HLTF: variants seen among roughly 807,000 people sequenced by gnomAD.
HLTF encodes DNA-dependent ATPase/E3 ubiquitin-protein ligase HLTF.
Under a neutral mutation model 129.4 loss-of-function variants are expected in HLTF, and 127 were observed. The observed-to-expected ratio is 0.98, with a 90% CI of 0.85 to 1.14. HLTF has a LOEUF of 1.14. HLTF is among the 50% of genes most tolerant of loss of function. The pLI is 0.00. For missense variants in HLTF, 1,139 were observed against 1,187.1 expected (o/e 0.96, Z 0.60); for synonymous variants, 332 against 388.8 (o/e 0.85, Z 1.72).
intron 14 of HLTF, among the ~76,000 whole-genome samples, chr3:149,050,644 T>C (rs1300253342): frequency 6.6e-6 from 1 of 152,194 alleles, no homozygotes; most frequent in Non-Finnish European, 1.5e-5. Flanking sequence ...TTGAAAACAA[T>C]AATGAGTTTT....
chr3:149,082,630 A>G (rs2108075543), intron 2 of HLTF, among the ~76,000 whole-genome samples: 1 of 152,350 alleles, frequency 6.6e-6, no homozygotes, highest in South Asian at 2.1e-4. Flanking sequence ...CTAGGATCAT[A>G]CATTTAAAAT....
intron 2 of HLTF, among the ~76,000 whole-genome samples, chr3:149,078,753 A>G (rs1576626524): frequency 6.6e-6 from 1 of 152,080 alleles, no homozygotes; most frequent in East Asian, 1.9e-4. Context: ...GTTACTCGGG[A>G]AGCTGACACA....
At position 149,041,582 on chromosome 3, in the gene HLTF, T is replaced by C. The variant is rs34622270; in HGVS notation, c.2284A>G (p.Ile762Val). ...LSSGSDEECA[I>V]CLDSLTVPVI... ...GGAACTGTTAAAGAATCCAGGCAAA[T>C]TGCACATTCCTCATCTGAACCTGAG... is the stretch of plus-strand genomic sequence containing the variant. Residue 762 changes from isoleucine (I) to valine (V), a missense_variant, in exon 20 of 25, where the codon ATT becomes GTT. By Grantham distance (29) the Ile-to-Val change is conservative. Transcript: ENST00000310053. The C allele has an allele frequency of 2.2e-3, 3,558 of 1,612,468 alleles. 67 individuals carry two copies. In the African/African-American group the frequency reaches 0.042, roughly 19 times the overall value.
rs779640825 is a variant in HLTF, at chr3:149,068,220, C to T, written c.990+20G>A. The T allele has an allele frequency of 3.0e-6, 3 of 1,006,728 alleles. No homozygotes were observed. Among genetic ancestry groups the T allele is most frequent in the Admixed American group, 2.3e-5 (1 of 42,898 alleles). The allele number at this position is 1,006,728 out of a possible 1,614,324, so 62.4% of individuals were successfully genotyped here. A position where few individuals can be genotyped will look rare whatever the true frequency, so the allele number is the denominator to read the frequency against. On this transcript the variant is annotated intron_variant, in intron 8 of 24. Coordinates refer to ENST00000310053, the MANE Select transcript of HLTF (RefSeq NM_003071.4). Reference sequence around the variant, plus strand: ...AATAAACTGGAGGTTTCACATAAAGCGCACTTACTACTACTTTACCTTCTT... The same window carrying T: ...AATAAACTGGAGGTTTCACATAAAGTGCACTTACTACTACTTTACCTTCTT...
rs1715940187 is a variant in HLTF at position 149,039,584 on chromosome 3, A to C, written c.2612T>G (p.Leu871Arg). The C allele has an allele frequency of 7.2e-7, 1 of 1,398,272 alleles. No individual in the cohort carries two copies. The highest frequency in any genetic ancestry group is 1.0e-6 in the Non-Finnish European group (1 of 997,558). The allele number at this position is 1,398,272 out of a possible 1,614,324, so 86.6% of individuals were successfully genotyped here. A position where few individuals can be genotyped will look rare whatever the true frequency, so the allele number is the denominator to read the frequency against. The stretch of plus-strand genomic sequence containing the variant: ...TGAAAAACACTGTGGAACTTACTTA[A>C]GTGGTATTTCTATTAAAGACAGGAA... ...TTFLSLIEIPLKASGFVFTRL... is the reference protein window; with the variant it reads ...TTFLSLIEIPRKASGFVFTRL... Residue 871 changes from leucine to arginine, a missense_variant, in exon 22 of 25, where the codon CTT becomes CGT. Transcript: ENST00000310053.
chr3:149,044,215 G>C (rs7611003), intron 18 of HLTF, among the ~76,000 whole-genome samples: 99 of 152,218 alleles, frequency 6.5e-4, no homozygotes, highest in Middle Eastern at 3.4e-3. Context: ...TAAGATCAAT[G>C]TATAACACCT....
intron 13 of HLTF, among the ~76,000 whole-genome samples, chr3:149,057,408 AGAGT>A (rs1372866391): frequency 3.9e-5 from 6 of 151,994 alleles, no homozygotes; most frequent in African/African-American, 7.2e-5. Context: ...CCTGGGCGAC[AGAGT>A]GAGACTCCGT....
chr3:149,074,836 T>A (rs1392377858), intron 3 of HLTF, among the ~76,000 whole-genome samples: 1 of 152,198 alleles, frequency 6.6e-6, no homozygotes, highest in Non-Finnish European at 1.5e-5. Flanking sequence ...TAGGATTATA[T>A]GAATATCCTA....
At chr3:149,074,442 AT>A in intron 3 of HLTF, 94 bp from the exon 4 acceptor site, 1 of 1,215,678 alleles carries the variant, frequency 8.2e-7, no homozygotes, top group Non-Finnish European at 1.1e-6. Context: ...TATCATTTAC[AT>A]TTTACATTGA....
chr3:149,047,790 A>G (rs929015380), intron 17 of HLTF, among the ~76,000 whole-genome samples: 3 of 152,194 alleles, frequency 2.0e-5, no homozygotes, highest in Admixed American at 6.5e-5. Context: ...CACAAAAAAC[A>G]GTTATGTCTT....
At chr3:149,033,055 G>C (rs1474102761) in intron 24 of HLTF, among the ~76,000 whole-genome samples, 1 of 151,380 alleles carries the variant, frequency 6.6e-6, no homozygotes, top group African/African-American at 2.4e-5. Context: ...AATAAAACGT[G>C]ATCATCTCAT....
chr3:149,074,135 AAC>A (rs1434720607), intron 4 of HLTF, 78 bp downstream of exon 4: 32 of 1,381,786 alleles, frequency 2.3e-5, no homozygotes, highest in Non-Finnish European at 3.0e-5. Flanking sequence ...TTAGCCAACA[AAC>A]TCCAAGAGAG....
chr3:149,055,808 A>C (rs2108004531), intron 13 of HLTF, among the ~76,000 whole-genome samples: 1 of 152,304 alleles, frequency 6.6e-6, no homozygotes, highest in African/African-American at 2.4e-5. Context: ...CTCCACCAGG[A>C]CTGGTCTGTG....
At chr3:149,076,100 T>A in intron 2 of HLTF, 53 bp from the exon 3 acceptor site, 1 of 662,436 alleles carries the variant, frequency 1.5e-6, no homozygotes, top group South Asian at 2.7e-5. Context: ...AGACAATAAC[T>A]TTGTTATACT....
At chr3:149,059,854 G>A (rs1293636321) in intron 12 of HLTF, 47 bp from the exon 13 acceptor site, 2 of 1,161,372 alleles carry the variant, frequency 1.7e-6, no homozygotes, top group Non-Finnish European at 2.6e-6. Context: ...ATTATCTCCT[G>A]TGCTAGAGTA....
At chr3:149,050,487 T>C (rs1716892635) in intron 14 of HLTF, 112 bp from the exon 15 acceptor site, 1 of 595,758 alleles carries the variant, frequency 1.7e-6, no homozygotes, top group Non-Finnish European at 2.8e-6. Flanking sequence ...ACTACTAAAA[T>C]TGTATGAAAT....
intron 4 of HLTF, among the ~76,000 whole-genome samples, 169 bp downstream of exon 4, chr3:149,074,046 T>A (rs984052242): frequency 6.6e-6 from 1 of 152,112 alleles, no homozygotes; most frequent in Non-Finnish European, 1.5e-5. Flanking sequence ...TCTATTTCAA[T>A]AGAGGCAAAA....
chr3:149,072,639 C>G (rs1718975618), intron 5 of HLTF, among the ~76,000 whole-genome samples: 1 of 152,106 alleles, frequency 6.6e-6, no homozygotes. Flanking sequence ...GGCTTATCTA[C>G]CAGAAACAAG....
chr3:149,032,342 T>C lies in HLTF; in HGVS notation c.2908A>G (p.Met970Val), dbSNP rs974226480. 1 of 1,583,014 alleles carries C rather than the reference T, an allele frequency of 6.3e-7. No individual in the cohort carries two copies. Among genetic ancestry groups the C allele is most frequent in the African/African-American group, 1.4e-5 (1 of 73,178 alleles). The change falls in exon 25 of 25, where the codon ATG becomes GTG. Residue 970 changes from methionine to valine, a missense_variant. Met to Val is a conservative substitution (Grantham distance 21). Coordinates refer to ENST00000310053, the MANE Select transcript of HLTF (RefSeq NM_003071.4). ...FIVKDSVEEN[M>V]LKIQNKKREL... ...CTCTTTTTGTTTTGTATTTTCAGCATATTTTCTTCAACAGAGTCCTTTACA... is the reference window on the plus strand; with the variant it reads ...CTCTTTTTGTTTTGTATTTTCAGCACATTTTCTTCAACAGAGTCCTTTACA...
Sources: allele counts gnomAD v4.1 joint callset (sites outside exome capture counted in the v4.1 genomes callset), GRCh38; gene constraint gnomAD v4.1.1; transcripts MANE v1.5; gene names NCBI Gene and HGNC (gene_info 2026-07-23, HGNC 2026-07-21).